LMNA: variants seen among roughly 807,000 people sequenced by gnomAD.
LMNA encodes lamin.
A neutral mutation model predicts 70.4 loss-of-function variants in LMNA; 20 were observed. That is an observed-to-expected ratio of 0.28 (90% CI 0.20 to 0.41). The LOEUF is 0.41. LMNA is among the 10% of genes least tolerant of loss of function. The pLI, the probability that LMNA is intolerant of heterozygous loss-of-function variation, is 1.00. For missense variants in LMNA, 652 were observed against 917.2 expected, an observed-to-expected ratio of 0.71 and a Z score of 3.73; for synonymous variants, 339 against 372.8, an observed-to-expected ratio of 0.91 and a Z score of 1.04.
At position 156,136,450 on chromosome 1, in the gene LMNA, C is replaced by T. The variant is rs924435877; in HGVS notation, c.1380+14C>T. 4 of 1,557,388 alleles carry T rather than the reference C, an allele frequency of 2.6e-6. No homozygotes were observed. The highest frequency in any genetic ancestry group is 1.4e-5 in the African/African-American group (1 of 73,316). Reference sequence around the variant, plus strand: ...AAGTCCAATGAGGTAGGCTCCTGCTCAGGGTCTAAGGGGATACAGCTGCAT... The same window carrying T: ...AAGTCCAATGAGGTAGGCTCCTGCTTAGGGTCTAAGGGGATACAGCTGCAT... On this transcript the variant is annotated intron_variant, in intron 7 of 11. Coordinates refer to ENST00000368300, the MANE Select transcript of LMNA (RefSeq NM_170707.4). This position sits in a 1 kb window ranked among gnomAD's most constrained non-coding sequence, Gnocchi z 6.1.
intron 3 of LMNA, among the ~76,000 whole-genome samples, chr1:156,096,288 T>C (rs1572317372): frequency 6.6e-6 from 1 of 152,266 alleles, no homozygotes; most frequent in East Asian, 1.9e-4. Context: ...TGTAGGTGGG[T>C]GGCAGTGCAC....
chr1:156,088,316 T>G (rs1389604438), intron 2 of LMNA, among the ~76,000 whole-genome samples: 3 of 152,182 alleles, frequency 2.0e-5, no homozygotes, highest in Non-Finnish European at 4.4e-5. Context: ...ATTTTTTTGT[T>G]TTCTTTTTTT....
At position 156,139,353 on chromosome 1, in the gene LMNA, T is replaced by C; in HGVS notation, c.*247T>C. 3 of 1,388,978 alleles carry C rather than the reference T, an allele frequency of 2.2e-6. No homozygotes were observed. Among genetic ancestry groups the C allele is most frequent in the Non-Finnish European group, 2.8e-6 (3 of 1,076,052 alleles). 86.0% of individuals were successfully genotyped at this position (1,388,978 alleles called of 1,614,324 possible). On this transcript the variant is annotated 3_prime_UTR_variant, in exon 12 of 12. Coordinates refer to ENST00000368300, the MANE Select transcript of LMNA (RefSeq NM_170707.4). ...CATCTATCTCAATCCTAATTTCTCCTCCCTTCCTTTTCCCTGCTTCCAGGA... is the reference window on the plus strand; with the variant it reads ...CATCTATCTCAATCCTAATTTCTCCCCCCTTCCTTTTCCCTGCTTCCAGGA...
At chr1:156,099,326 G>A (rs1649056504) in intron 3 of LMNA, among the ~76,000 whole-genome samples, 1 of 152,270 alleles carries the variant, frequency 6.6e-6, no homozygotes, top group South Asian at 2.1e-4. Flanking sequence ...ACCACTGGCT[G>A]CTTTGCAACT....
At chr1:156,104,232 G>A (rs1649241889) in intron 3 of LMNA, among the ~76,000 whole-genome samples, 1 of 152,224 alleles carries the variant, frequency 6.6e-6, no homozygotes, top group African/African-American at 2.4e-5. Flanking sequence ...CCCAGCTCGG[G>A]TGGGGAGCGG....
chr1:156,127,032 TCCCTGCC>T, intron 1 of LMNA: 1 of 940,282 alleles, frequency 1.1e-6, no homozygotes. Context: ...CACCCTGTCC[TCCCTGCC>T]AACCCAGCAC....
chr1:156,109,326 T>C (rs2102808363), upstream of LMNA, among the ~76,000 whole-genome samples: 1 of 152,278 alleles, frequency 6.6e-6, no homozygotes, highest in African/African-American at 2.4e-5. Flanking sequence ...TTTCCTTCTC[T>C]CCTTGACCTC....
At chr1:156,114,385 T>A (rs913313323), upstream of LMNA, among the ~76,000 whole-genome samples, 2 of 151,838 alleles carry the variant, frequency 1.3e-5, no homozygotes, top group African/African-American at 4.8e-5. Flanking sequence ...CCCACTTCCC[T>A]CTCTTTCTCC....
intron 1 of LMNA, among the ~76,000 whole-genome samples, chr1:156,123,615 C>T (rs9427236): frequency 0.1 from 15,286 of 152,126 alleles, 1,376 homozygotes; most frequent in African/African-American, 0.24. Context: ...CCTCCCTCCT[C>T]CAGGCACTAC....
In LMNA at chr1:156,126,111, G is replaced by A. The variant is rs933974960; in HGVS notation, c.357-4506G>A. ...CCAGGCGGACTCCCTGTACCCACCC[G>A]GCCACAGGGGGCGATGTTCCTGGGA... On this transcript the variant is annotated intron_variant, in intron 1 of 11. Transcript: ENST00000368300. The A allele has an allele frequency of 7.9e-5, 114 of 1,451,562 alleles. 1 individual carries two copies. The highest frequency in any genetic ancestry group is 1.8e-4 in the Admixed American group (8 of 45,564). 89.9% of individuals were successfully genotyped at this position (1,451,562 alleles called of 1,614,324 possible).
At chr1:156,126,139 C>G (rs896719483) in intron 1 of LMNA, 153 of 1,503,876 alleles carry the variant, frequency 1.0e-4, no homozygotes, top group Non-Finnish European at 1.3e-4. Context: ...TCCTGGGAGA[C>G]AGGAAATGCC....
At chr1:156,128,786 T>A (rs527245058) in intron 1 of LMNA, among the ~76,000 whole-genome samples, 1 of 152,348 alleles carries the variant, frequency 6.6e-6, no homozygotes, top group South Asian at 2.1e-4. Context: ...CTCCTTCTAG[T>A]TCTCTAAATT....
At chr1:156,088,941 C>A (rs560782924) in intron 2 of LMNA, among the ~76,000 whole-genome samples, 1 of 152,300 alleles carries the variant, frequency 6.6e-6, no homozygotes, top group African/African-American at 2.4e-5. Flanking sequence ...CGTGAGCCAC[C>A]GCACCCAGCC....
Position 156,108,341 on chromosome 1 carries a change from T to C in LMNA, c.-206-6372T>C, listed in dbSNP as rs558187646. On this transcript the variant is annotated intron_variant, in intron 3 of 12. Transcript: ENST00000368301. ...TCACTATAAAGAGATTCCCAAACCATGTCCCAGAATCTGTACATCACCTCC... is the reference window on the plus strand; with the variant it reads ...TCACTATAAAGAGATTCCCAAACCACGTCCCAGAATCTGTACATCACCTCC... Among the ~76,000 whole-genome samples the C allele has an allele frequency of 1.0e-3, 153 of 152,250 alleles. 1 individual carries two copies. The highest frequency in any genetic ancestry group is 9.9e-3 in the Admixed American group (151 of 15,276).
rs1368665522 is a variant in LMNA at position 156,137,276 on chromosome 1, C to A, written c.1608+44C>A. 1 of 1,541,308 alleles carries A rather than the reference C, an allele frequency of 6.5e-7. No individual in the cohort carries two copies. The highest frequency in any genetic ancestry group is 8.7e-7 in the Non-Finnish European group (1 of 1,148,724). On this transcript the variant is annotated intron_variant, in intron 9 of 11. Transcript: ENST00000368300. This position sits in a 1 kb window ranked among gnomAD's most constrained non-coding sequence, Gnocchi z 4.6. ...GGCTGCTTGCTGGACGAGGCTCCCC[C>A]TGATGGCCAACATCGGAGCCAGCTG...
intron 2 of LMNA, among the ~76,000 whole-genome samples, chr1:156,088,719 A>G (rs1648577627): frequency 6.6e-6 from 1 of 152,194 alleles, no homozygotes. Context: ...GCACAATCTC[A>G]GCTCACTGGA....
chr1:156,082,596 G>C (rs1390367091), exon 1 of LMNA: 1 of 152,128 alleles, frequency 6.6e-6, no homozygotes, highest in Non-Finnish European at 1.5e-5. Context: ...ACCCGAGGAG[G>C]ATAGGGATGT....
intron 3 of LMNA, among the ~76,000 whole-genome samples, chr1:156,092,851 C>T (rs1400184779): frequency 6.6e-6 from 1 of 151,678 alleles, no homozygotes; most frequent in Non-Finnish European, 1.5e-5. Flanking sequence ...ACTCCAGCCA[C>T]ATGGACTTTC....
intron 2 of LMNA, among the ~76,000 whole-genome samples, chr1:156,133,381 G>A (rs1469311905): frequency 6.6e-6 from 1 of 150,936 alleles, no homozygotes; most frequent in Non-Finnish European, 1.5e-5. Context: ...GACTATCCTG[G>A]CCAACATGGT....
Sources: gnomAD v4.1 joint callset for allele counts (sites outside exome capture counted in the v4.1 genomes callset) on GRCh38, gnomAD v4.1.1 for gene constraint, Gnocchi (gnomAD v3.1) non-coding constraint, MANE v1.5 for transcripts, NCBI Gene and HGNC (gene_info 2026-07-23, HGNC 2026-07-21) for gene names.